Variants in ATG7 observed in about 807,000 individuals in gnomAD.
ATG7 encodes autophagy related 7.
ATG7 carries 70 observed loss-of-function variants against 82.4 expected under a neutral mutation model. The ratio of observed to expected loss-of-function variants is 0.85; its 90% CI spans 0.70 to 1.04. The LOEUF (loss-of-function observed/expected upper bound fraction) is 1.04, where lower values mean the gene tolerates loss of function less well. ATG7 is among the 50% of genes least tolerant of loss of function. The pLI is 0.00. For synonymous variants in ATG7, 287 were observed against 313.0 expected, an observed-to-expected ratio of 0.92 and a Z score of 0.88; for missense variants, 792 against 864.3, an observed-to-expected ratio of 0.92 and a Z score of 1.05.
chr3:11,423,126 G>T (rs189399933), intron 19 of ATG7, among the ~76,000 whole-genome samples: 1 of 152,148 alleles, frequency 6.6e-6, no homozygotes, highest in Non-Finnish European at 1.5e-5. Flanking sequence ...CTTTGAGGCC[G>T]TTGTAATTGG....
chr3:11,519,123 G>A (rs1015532143), intron 20 of ATG7, among the ~76,000 whole-genome samples: 1 of 152,202 alleles, frequency 6.6e-6, no homozygotes, highest in Non-Finnish European at 1.5e-5. Context: ...CCAGTGAGCT[G>A]TTATTATTTG....
chr3:11,315,244 T>TAG, intron 8 of ATG7, 100 bp from the exon 9 acceptor site: 2 of 1,108,794 alleles, frequency 1.8e-6, no homozygotes, highest in Non-Finnish European at 2.4e-6. Context: ...CAGTCATTTC[T>TAG]AGTCTTCTGG....
intron 20 of ATG7, among the ~76,000 whole-genome samples, chr3:11,449,723 T>C (rs1053102510): frequency 6.6e-6 from 1 of 152,216 alleles, no homozygotes; most frequent in African/African-American, 2.4e-5. Context: ...GCAAAGCTTC[T>C]GGAGGACAAG....
intron 8 of ATG7, 55 bp from the exon 9 acceptor site, chr3:11,315,289 C>T: frequency 1.4e-6 from 2 of 1,421,830 alleles, no homozygotes; most frequent in East Asian, 2.5e-5. Flanking sequence ...TAGTTTTTAG[C>T]CCAGAACTAG....
In ATG7 at chr3:11,557,033, A is replaced by G. The variant is rs887175063; in HGVS notation, c.*2190A>G. ...GGTCATACGGTGTGCAGAGTCCACA[A>G]AGCCTTGCAGGTGAGGTGACCACGC... On this transcript the variant is annotated 3_prime_UTR_variant, in exon 21 of 21. Transcript: ENST00000693202. The G allele has an allele frequency of 6.6e-6, 1 of 152,496 alleles. No individual in the cohort carries two copies. Among genetic ancestry groups the G allele is most frequent in the South Asian group, 2.1e-4 (1 of 4,834 alleles). The allele number at this position is 152,496 out of a possible 1,614,324, so 9.4% of individuals were successfully genotyped here. A position where few individuals can be genotyped will look rare whatever the true frequency, so the allele number is the denominator to read the frequency against.
At chr3:11,483,821 A>G (rs1419635466) in intron 20 of ATG7, among the ~76,000 whole-genome samples, 4 of 152,192 alleles carry the variant, frequency 2.6e-5, no homozygotes, top group Non-Finnish European at 2.9e-5. Context: ...GGTAGAATTT[A>G]AAGAACATCT....
chr3:11,510,226 C>T lies in ATG7; in HGVS notation c.2080-44585C>T, dbSNP rs371364711. The T allele has an allele frequency of 5.6e-4, 257 of 456,764 alleles. 2 individuals carry two copies. Among genetic ancestry groups the T allele is most frequent in the African/African-American group, 4.7e-3 (236 of 50,144 alleles). 28.3% of individuals were successfully genotyped at this position (456,764 alleles called of 1,614,324 possible). A position where few individuals can be genotyped will look rare whatever the true frequency, so the allele number is the denominator to read the frequency against. On this transcript the variant is annotated intron_variant, in intron 20 of 20. Transcript: ENST00000693202. Reference sequence around the variant, plus strand: ...TCCGGCCCAAGAATGGCACCTTCCCCGCCCATCAGGCCACCTGCACTCAGG... The same window carrying T: ...TCCGGCCCAAGAATGGCACCTTCCCTGCCCATCAGGCCACCTGCACTCAGG...
intron 18 of ATG7, among the ~76,000 whole-genome samples, chr3:11,372,037 C>T (rs548516162): frequency 2.0e-5 from 3 of 151,522 alleles, no homozygotes; most frequent in South Asian, 4.2e-4. Flanking sequence ...TGCTGTCTGC[C>T]GTGTTTTCAT....
At chr3:11,559,685 AG>A (rs1198275651), downstream of ATG7, among the ~76,000 whole-genome samples, 1 of 152,212 alleles carries the variant, frequency 6.6e-6, no homozygotes, top group Non-Finnish European at 1.5e-5. Context: ...TGGATCAGTG[AG>A]GGTACAAAGG....
Position 11,364,643 on chromosome 3 carries a change from T to A in ATG7, c.1800-16T>A. ...CTTGGATTAAATGAGCAGCTCTGAT[T>A]GTTTCCTGTCCTCAGGGGCTATGCC... On this transcript the variant is annotated splice_polypyrimidine_tract_variant and intron_variant, in intron 17 of 20. Transcript: ENST00000693202. 6.2e-7 allele frequency: 1 copy of A among 1,613,860 alleles called. No individual in the cohort carries two copies.
At chr3:11,568,633 A>C in the ATG7 span, 1 of 1,569,592 alleles carries the variant, frequency 6.4e-7, no homozygotes. This position sits in a 1 kb window ranked among gnomAD's most constrained non-coding sequence, Gnocchi z 5.9. Flanking sequence ...TGGTTCCCGG[A>C]GCTTCAAGAC....
intron 11 of ATG7, among the ~76,000 whole-genome samples, chr3:11,338,197 A>G (rs771857065): frequency 1.3e-5 from 2 of 152,142 alleles, no homozygotes; most frequent in African/African-American, 2.4e-5. Context: ...TATAACTGAG[A>G]ACATGTAGTA....
chr3:11,426,713 A>AT, intron 19 of ATG7, 91 bp from the exon 20 acceptor site: 5 of 1,256,378 alleles, frequency 4.0e-6, no homozygotes, highest in Non-Finnish European at 5.3e-6. Flanking sequence ...TTTTAATTTT[A>AT]TTTTTGACAA....
intron 20 of ATG7, among the ~76,000 whole-genome samples, chr3:11,464,338 G>A (rs902573367): frequency 1.3e-5 from 2 of 152,184 alleles, no homozygotes; most frequent in African/African-American, 2.4e-5. Context: ...GCACTACTGC[G>A]TTCCAGCCTG....
intron 5 of ATG7, among the ~76,000 whole-genome samples, chr3:11,299,807 T>C (rs1231774372): frequency 1.3e-5 from 2 of 152,206 alleles, no homozygotes; most frequent in Non-Finnish European, 2.9e-5. Context: ...TCTACTTCTG[T>C]ATACAAGCCA....
chr3:11,355,834 G>A (rs2075896220), intron 14 of ATG7, among the ~76,000 whole-genome samples: 2 of 152,106 alleles, frequency 1.3e-5, no homozygotes, highest in Admixed American at 6.5e-5. Flanking sequence ...CCCAGAAATT[G>A]TACCTTTAGA....
the ATG7 span, among the ~76,000 whole-genome samples, chr3:11,575,322 G>A: frequency 6.6e-6 from 1 of 152,172 alleles, no homozygotes; most frequent in South Asian, 2.1e-4. Context: ...TGCGCCAAGG[G>A]TTTCCAGTCA....
At chr3:11,286,583 C>CTTTTTTTTTTTTTTTTTTTTT (rs5846700) in intron 3 of ATG7, among the ~76,000 whole-genome samples, 4 of 66,952 alleles carry the variant, frequency 6.0e-5, no homozygotes, top group Admixed American at 2.4e-4. Context: ...TTCTTTCTTT[C>CTTTTTTTTTTTTTTTTTTTTT]TTTTTTTTTT....
chr3:11,303,947 C>T (rs537779216), intron 5 of ATG7, among the ~76,000 whole-genome samples: 36 of 147,642 alleles, frequency 2.4e-4, no homozygotes, highest in Non-Finnish European at 3.3e-4. Flanking sequence ...AAAAATTAGC[C>T]GGGCGTGGTG....
Sources: gnomAD v4.1 joint callset for allele counts (sites outside exome capture counted in the v4.1 genomes callset) on GRCh38, gnomAD v4.1.1 for gene constraint, Gnocchi (gnomAD v3.1) non-coding constraint, MANE v1.5 for transcripts, NCBI Gene and HGNC (gene_info 2026-07-23, HGNC 2026-07-21) for gene names.